The following FHOD3 variants were observed in gnomAD, a reference collection of about 807,000 sequenced individuals.
FHOD3 encodes the protein formin homology 2 domain containing 3.
In FHOD3, 90 loss-of-function variants were observed where a neutral mutation model predicts 173.0. That is an observed-to-expected ratio of 0.52 (90% CI 0.44 to 0.62). The LOEUF (loss-of-function observed/expected upper bound fraction) is 0.62, where lower values mean the gene tolerates loss of function less well. Among genes scored for constraint, FHOD3 ranks in the 20% least tolerant of loss-of-function variants. FHOD3 has a pLI of 0.00. For synonymous variants in FHOD3, 828 were observed against 823.0 expected (o/e 1.01, Z -0.10); for missense variants, 1,945 against 2,034.7 (o/e 0.96, Z 0.85).
At chr18:36,387,157 T>C (rs887133819) in intron 3 of FHOD3, among the ~76,000 whole-genome samples, 3 of 151,862 alleles carry the variant, frequency 2.0e-5, no homozygotes, top group African/African-American at 7.3e-5. Flanking sequence ...GGGCAGAAGG[T>C]GTTGGTTCCC....
chr18:36,497,181 T>C (rs549585124), intron 3 of FHOD3, among the ~76,000 whole-genome samples: 4 of 152,356 alleles, frequency 2.6e-5, no homozygotes, highest in Non-Finnish European at 5.9e-5. Flanking sequence ...AGGTTTTGTT[T>C]TGAAAATTAA....
chr18:36,566,406 A>T (rs2058265976), intron 5 of FHOD3, among the ~76,000 whole-genome samples: 1 of 152,210 alleles, frequency 6.6e-6, no homozygotes, highest in South Asian at 2.1e-4. Flanking sequence ...AGGCATGTTT[A>T]ACTTACAGAA....
intron 5 of FHOD3, among the ~76,000 whole-genome samples, chr18:36,563,264 G>T (rs1368672887): frequency 6.6e-6 from 1 of 152,184 alleles, no homozygotes; most frequent in African/African-American, 2.4e-5. Flanking sequence ...TTTTTGAAGG[G>T]TTGTATATTA....
chr18:36,761,623 C>T (rs1380958691), intron 27 of FHOD3, among the ~76,000 whole-genome samples: 1 of 152,102 alleles, frequency 6.6e-6, no homozygotes, highest in Non-Finnish European at 1.5e-5. Flanking sequence ...TCAGGATGCC[C>T]GCTCCTCTGC....
intron 24 of FHOD3, among the ~76,000 whole-genome samples, chr18:36,750,427 CTATAGGT>C (rs1206885928): frequency 6.6e-6 from 1 of 152,224 alleles, no homozygotes; most frequent in East Asian, 1.9e-4. Context: ...TTCGCCCACT[CTATAGGT>C]TATCTGTTTA....
intron 5 of FHOD3, among the ~76,000 whole-genome samples, chr18:36,549,989 A>G (rs2057577468): frequency 6.6e-6 from 1 of 151,784 alleles, no homozygotes; most frequent in Non-Finnish European, 1.5e-5. Context: ...AGTCTGGATC[A>G]AAGTTTTATG....
intron 5 of FHOD3, among the ~76,000 whole-genome samples, chr18:36,548,184 A>C (rs1045782177): frequency 2.6e-5 from 4 of 151,950 alleles, no homozygotes; most frequent in African/African-American, 9.7e-5. Context: ...AGAGTGAGAC[A>C]ATGTCTCAAA....
intron 3 of FHOD3, among the ~76,000 whole-genome samples, chr18:36,391,949 G>A (rs1318028358): frequency 2.6e-5 from 4 of 152,200 alleles, no homozygotes; most frequent in African/African-American, 9.7e-5. Flanking sequence ...GTCCCCCACA[G>A]CTGAGATGGG....
chr18:36,430,468 G>A (rs770167635), intron 3 of FHOD3, among the ~76,000 whole-genome samples: 3 of 152,098 alleles, frequency 2.0e-5, no homozygotes, highest in South Asian at 2.1e-4. Context: ...CGCCTGCCTC[G>A]GCCTCCCAAA....
intron 5 of FHOD3, among the ~76,000 whole-genome samples, chr18:36,552,861 T>C (rs1245215392): frequency 6.6e-6 from 1 of 152,164 alleles, no homozygotes; most frequent in Non-Finnish European, 1.5e-5. Context: ...CTATGTTGAA[T>C]AGGAGTGATG....
At chr18:36,581,064 G>A (rs1382890876) in intron 6 of FHOD3, among the ~76,000 whole-genome samples, 1 of 152,224 alleles carries the variant, frequency 6.6e-6, no homozygotes, top group Non-Finnish European at 1.5e-5. Context: ...ATGCATATTT[G>A]CAGATATTTG....
intron 23 of FHOD3, among the ~76,000 whole-genome samples, chr18:36,745,622 G>A (rs1486662984): frequency 1.3e-5 from 2 of 152,058 alleles, no homozygotes; most frequent in Non-Finnish European, 2.9e-5. Flanking sequence ...GCTTCAGAAG[G>A]CCCTGCTCGT....
intron 1 of FHOD3, among the ~76,000 whole-genome samples, chr18:36,307,594 T>C (rs1219874439): frequency 1.3e-5 from 2 of 152,232 alleles, no homozygotes; most frequent in Non-Finnish European, 2.9e-5. Context: ...TCAGTATGTG[T>C]TTATTGATGT....
chr18:36,409,174 G>T (rs995316863), intron 3 of FHOD3, among the ~76,000 whole-genome samples: 2 of 152,106 alleles, frequency 1.3e-5, no homozygotes, highest in African/African-American at 4.8e-5. Flanking sequence ...AACCTTCTTG[G>T]GGGGGTAATT....
rs2048371732 is a variant in FHOD3, at chr18:36,392,965, G to A, written c.337+20221G>A. ...AACTCAGCTTAGGGTTTTGGTGAGTGAAGTCCTTTGCCAACTGGAAGCAAC... is the reference window on the plus strand; with the variant it reads ...AACTCAGCTTAGGGTTTTGGTGAGTAAAGTCCTTTGCCAACTGGAAGCAAC... On this transcript the variant is annotated intron_variant, in intron 3 of 28. Transcript: ENST00000590592. Among the ~76,000 whole-genome samples the A allele has an allele frequency of 2.0e-5, 3 of 152,222 alleles. No homozygotes were observed. The South Asian group carries it at 6.2e-4, about 31-fold the overall frequency.
chr18:36,550,538 G>T (rs947389592), intron 5 of FHOD3, among the ~76,000 whole-genome samples: 1 of 151,872 alleles, frequency 6.6e-6, no homozygotes, highest in Non-Finnish European at 1.5e-5. Flanking sequence ...TCACTTTGGG[G>T]AGAATTGATA....
At chr18:36,659,569 C>T (rs2036641431) in intron 14 of FHOD3, among the ~76,000 whole-genome samples, 1 of 152,196 alleles carries the variant, frequency 6.6e-6, no homozygotes, top group Non-Finnish European at 1.5e-5. Flanking sequence ...TGCCAAGCTG[C>T]CAGCTCCTCA....
At chr18:36,646,990 A>G (rs2035732106) in intron 10 of FHOD3, among the ~76,000 whole-genome samples, 1 of 152,204 alleles carries the variant, frequency 6.6e-6, no homozygotes, top group Admixed American at 6.5e-5. Flanking sequence ...TAATTCCAGC[A>G]CTTTGGGAGG....
chr18:36,587,940 G>T (rs1427405909), intron 6 of FHOD3, among the ~76,000 whole-genome samples: 1 of 152,222 alleles, frequency 6.6e-6, no homozygotes, highest in Non-Finnish European at 1.5e-5. Context: ...TCTGCAAATT[G>T]CATTGTGTCA....
Sources: allele counts gnomAD v4.1 joint callset (sites outside exome capture counted in the v4.1 genomes callset), GRCh38; gene constraint gnomAD v4.1.1; transcripts MANE v1.5; gene names NCBI Gene and HGNC (gene_info 2026-07-23, HGNC 2026-07-21).